The following POLA1 variants were observed in gnomAD, a reference collection of about 807,000 sequenced individuals.
The protein encoded by POLA1 is DNA polymerase alpha catalytic subunit.
POLA1 carries 15 observed loss-of-function variants against 124.0 expected under a neutral mutation model. The observed-to-expected ratio is 0.12, with a 90% CI of 0.08 to 0.19. The LOEUF is 0.19. Ranked by LOEUF, POLA1 falls within the 10% of genes least tolerant of loss-of-function variation. The pLI is 1.00. For synonymous variants in POLA1, 408 were observed against 389.4 expected (o/e 1.05, Z -0.56); for missense variants, 886 against 1,103.4 (o/e 0.80, Z 2.79).
At chrX:24,764,901 T>C (rs1932865185) in intron 26 of POLA1, among the ~76,000 whole-genome samples, 1 of 111,403 alleles carries the variant, frequency 9.0e-6, no homozygotes, top group Admixed American at 9.5e-5. Flanking sequence ...GTCTCCCTTC[T>C]ACTCTTGTCC....
intron 35 of POLA1, among the ~76,000 whole-genome samples, chrX:24,917,073 G>A (rs907860191): frequency 1.8e-5 from 2 of 111,535 alleles, no homozygotes; most frequent in African/African-American, 6.5e-5. Flanking sequence ...GGAGGCTGAG[G>A]CGGGTGGATC....
At chrX:24,745,910 TATA>T (rs1051669211) in intron 24 of POLA1, among the ~76,000 whole-genome samples, 8 of 112,100 alleles carry the variant, frequency 7.1e-5, no homozygotes, top group African/African-American at 1.9e-4. Flanking sequence ...TTATTTCACT[TATA>T]ATGTTTTCAA....
intron 36 of POLA1, among the ~76,000 whole-genome samples, chrX:24,961,057 C>T (rs2048162982): frequency 8.9e-6 from 1 of 112,255 alleles, no homozygotes; most frequent in Non-Finnish European, 1.9e-5. Context: ...AGTGTAATAG[C>T]ATCATGCTTT....
Position 24,801,924 on chromosome X carries a change from G to GGTGTGTGTGTGTGTGTGTGTGTGT in POLA1, c.2965-7950_2965-7927dup, listed in dbSNP as rs35938897. ...ACAGAGCCACTAGGAGAGGTGGGTG[G>GGTGTGTGTGTGTGTGTGTGTGTGT]GTGTGTGTGTGTGTGTGTGTGTGTG... On this transcript the variant is annotated intron_variant, in intron 26 of 36. Transcript: ENST00000379068. 1.0e-3 allele frequency among the ~76,000 whole-genome samples: 75 copies of GGTGTGTGTGTGTGTGTGTGTGTGT among 74,540 alleles called. 4 individuals carry two copies. Among genetic ancestry groups the GGTGTGTGTGTGTGTGTGTGTGTGT allele is most frequent in the African/African-American group, 2.4e-3 (43 of 18,241 alleles). 64.7% of individuals were successfully genotyped at this position (74,540 alleles called of 115,157 possible).
chrX:24,838,488 G>A (rs1395603518), intron 32 of POLA1, among the ~76,000 whole-genome samples: 2 of 112,111 alleles, frequency 1.8e-5, no homozygotes, highest in East Asian at 5.6e-4. Context: ...AAAGACTTAA[G>A]TCACCTGTCA....
intron 26 of POLA1, among the ~76,000 whole-genome samples, chrX:24,773,325 C>G (rs1165672474): frequency 9.0e-6 from 1 of 111,548 alleles, no homozygotes; most frequent in East Asian, 2.8e-4. Context: ...GCTTAGTGAC[C>G]CTGTCCTGAA....
intron 32 of POLA1, among the ~76,000 whole-genome samples, chrX:24,827,499 A>G (rs2046190528): frequency 8.9e-6 from 1 of 112,159 alleles, no homozygotes; most frequent in Non-Finnish European, 1.9e-5. Flanking sequence ...GCTCCCACCT[A>G]TGTATCCAGC....
At position 24,871,535 on chromosome X, in the gene POLA1, A is replaced by G. The variant is rs1017615347; in HGVS notation, c.4048-16471A>G. Among the ~76,000 whole-genome samples, 3 of 112,256 alleles carry G rather than the reference A, an allele frequency of 2.7e-5. No individual in the cohort carries two copies. The Admixed American group carries it at 2.8e-4, about 11-fold the overall frequency. ...AATACTTTCAGTGCTAGGAATGTGT[A>G]TATTTTGCTAACCTCAGTTATGGAT... is the stretch of plus-strand genomic sequence containing the variant. On this transcript the variant is annotated intron_variant, in intron 34 of 36. Transcript: ENST00000379068.
At chrX:24,965,344 G>A (rs2048210007) in intron 36 of POLA1, among the ~76,000 whole-genome samples, 1 of 112,178 alleles carries the variant, frequency 8.9e-6, no homozygotes, top group African/African-American at 3.2e-5. Context: ...TCTACTCATG[G>A]TCCCTCAGCC....
chrX:24,736,059 T>A (rs181130409), intron 18 of POLA1, among the ~76,000 whole-genome samples: 1 of 111,633 alleles, frequency 9.0e-6, no homozygotes, highest in Admixed American at 9.5e-5. Flanking sequence ...CTCTGGCCTT[T>A]CTAGTTTGTA....
At chrX:24,745,648 C>A in intron 24 of POLA1, 106 bp downstream of exon 24, 1 of 509,150 alleles carries the variant, frequency 2.0e-6, no homozygotes, top group South Asian at 3.4e-5. Context: ...TATTCATATA[C>A]CATATACTTC....
At chrX:24,842,050 T>A in intron 33 of POLA1, 1 of 330,744 alleles carries the variant, frequency 3.0e-6, no homozygotes. Flanking sequence ...TTTGGCTTCC[T>A]AGAGTGCTTG....
intron 26 of POLA1, among the ~76,000 whole-genome samples, chrX:24,794,259 G>A (rs1381667668): frequency 8.9e-6 from 1 of 112,037 alleles, no homozygotes; most frequent in African/African-American, 3.2e-5. Context: ...GATTACAGGC[G>A]TGAACCATCA....
At chrX:24,790,428 G>T (rs1373964571) in intron 26 of POLA1, among the ~76,000 whole-genome samples, 1 of 111,353 alleles carries the variant, frequency 9.0e-6, no homozygotes, top group Admixed American at 9.6e-5. Context: ...TGGCTTTGTT[G>T]CAGATAAGCA....
chrX:24,699,458 G>A lies in POLA1; in HGVS notation c.77G>A (p.Arg26Gln), dbSNP rs747434011. Residue 26 changes from arginine to glutamine, a missense_variant, in exon 2 of 37, where the codon CGA becomes CAA. By Grantham distance (43) the Arg-to-Gln change is conservative. This residue lies in a region of POLA1 where 49 missense variants were observed against 39.2 expected (regional missense o/e 1.25). Coordinates refer to ENST00000379068, the MANE Select transcript of POLA1 (RefSeq NM_001330360.2). ...LSDSGSFVSS[R>Q]ARREKKSKKG... ...GATTCAGGGAGTTTTGTATCTTCTCGAGCCCGGCGAGAAAAAAAATCAAAG... is the reference window on the plus strand; with the variant it reads ...GATTCAGGGAGTTTTGTATCTTCTCAAGCCCGGCGAGAAAAAAAATCAAAG... 5 of 1,177,555 alleles carry A rather than the reference G, an allele frequency of 4.2e-6. No individual in the cohort carries two copies. The highest frequency in any genetic ancestry group is 2.0e-5 in the South Asian group (1 of 50,938).
intron 26 of POLA1, among the ~76,000 whole-genome samples, chrX:24,777,066 C>G (rs1009440097): frequency 1.8e-5 from 2 of 112,074 alleles, no homozygotes; most frequent in African/African-American, 6.5e-5. Flanking sequence ...CAATGTTTGA[C>G]TGAATCCCAA....
chrX:24,826,345 C>T, intron 31 of POLA1, 82 bp from the exon 32 acceptor site: 1 of 667,720 alleles, frequency 1.5e-6, no homozygotes, highest in Non-Finnish European at 2.1e-6. Flanking sequence ...TCTGTTTGAC[C>T]AAGCAAGTGT....
At chrX:24,793,097 T>G (rs750412023) in intron 26 of POLA1, among the ~76,000 whole-genome samples, 1 of 109,112 alleles carries the variant, frequency 9.2e-6, no homozygotes, top group African/African-American at 3.3e-5. Flanking sequence ...GCCAATATGG[T>G]GAAACCCCAT....
chrX:24,934,732 T>A (rs1344590511), intron 36 of POLA1, among the ~76,000 whole-genome samples: 2 of 110,800 alleles, frequency 1.8e-5, no homozygotes, highest in African/African-American at 3.3e-5. Context: ...TCTCCCCAAC[T>A]TTTTTTTTGA....
Sources: allele counts gnomAD v4.1 joint callset (sites outside exome capture counted in the v4.1 genomes callset), GRCh38; gene constraint gnomAD v4.1.1; regional missense constraint gnomAD v4.1.1; transcripts MANE v1.5; gene names NCBI Gene and HGNC (gene_info 2026-07-23, HGNC 2026-07-21).